VWCE: variants seen among roughly 807,000 people sequenced by gnomAD.
VWCE encodes von Willebrand factor C and EGF domain-containing protein.
VWCE carries 68 observed loss-of-function variants against 102.9 expected under a neutral mutation model. That is an observed-to-expected ratio of 0.66 (90% CI 0.54 to 0.81). The LOEUF (loss-of-function observed/expected upper bound fraction) is 0.81. VWCE is among the 30% of genes least tolerant of loss of function. The probability of loss-of-function intolerance (pLI) is 0.00; values close to 1 mark genes in which losing one functional copy is unlikely to be tolerated. For synonymous variants in VWCE, 497 were observed against 515.4 expected (o/e 0.96, Z 0.48); for missense variants, 1,137 against 1,263.6 (o/e 0.90, Z 1.52).
chr11:61,276,709 G>A lies in VWCE; in HGVS notation c.1408-29C>T, dbSNP rs1222303640. On this transcript the variant is annotated intron_variant, in intron 10 of 19. Transcript: ENST00000335613. Reference sequence around the variant, plus strand: ...AGGAGGAGGCAAGAGAGGGCACTGGGGGTGCGGGTGTGGAACAGGGTTCAT... The same window carrying A: ...AGGAGGAGGCAAGAGAGGGCACTGGAGGTGCGGGTGTGGAACAGGGTTCAT... The A allele has an allele frequency of 5.8e-6, 9 of 1,558,488 alleles. No individual in the cohort carries two copies. The South Asian group carries it at 1.1e-4, about 19-fold the overall frequency.
At chr11:61,293,813 A>C (rs993081588) in intron 1 of VWCE, among the ~76,000 whole-genome samples, 1 of 152,188 alleles carries the variant, frequency 6.6e-6, no homozygotes, top group Non-Finnish European at 1.5e-5. Context: ...CTCAGGGTGC[A>C]ATGGCAGCAC....
chr11:61,261,284 C>G (rs1247498897), intron 19 of VWCE, among the ~76,000 whole-genome samples: 1 of 150,944 alleles, frequency 6.6e-6, no homozygotes. Context: ...TTGTCAAGCA[C>G]ATAAAAAACT....
rs116125050 is a variant in VWCE at position 61,271,850 on chromosome 11, C to G, written c.1700-90G>C. On this transcript the variant is annotated intron_variant, in intron 13 of 19. Coordinates refer to ENST00000335613, the MANE Select transcript of VWCE (RefSeq NM_152718.2). ...GATGCCTCATGCGCACAAACACACACAGACACCGATATCACTCACACACGG... is the reference window on the plus strand; with the variant it reads ...GATGCCTCATGCGCACAAACACACAGAGACACCGATATCACTCACACACGG... 931 of 1,121,666 alleles carry G rather than the reference C, an allele frequency of 8.3e-4. 9 individuals are homozygous for G. In the African/African-American group the frequency reaches 0.013, roughly 16 times the overall value. 69.5% of individuals were successfully genotyped at this position (1,121,666 alleles called of 1,614,324 possible).
intron 4 of VWCE, among the ~76,000 whole-genome samples, chr11:61,290,589 C>T (rs1855469744): frequency 6.6e-6 from 1 of 151,442 alleles, no homozygotes; most frequent in South Asian, 2.1e-4. Context: ...TCAGTTCCTG[C>T]CCCTAAGAAG....
chr11:61,277,462 A>T (rs994790229), intron 10 of VWCE, among the ~76,000 whole-genome samples: 1 of 151,720 alleles, frequency 6.6e-6, no homozygotes, highest in African/African-American at 2.4e-5. Flanking sequence ...AAAAAAAAAA[A>T]ATTAGCCGGG....
intron 19 of VWCE, among the ~76,000 whole-genome samples, chr11:61,262,287 G>C (rs546178519): frequency 6.6e-6 from 1 of 152,154 alleles, no homozygotes; most frequent in Non-Finnish European, 1.5e-5. Flanking sequence ...AGTTTCCCCA[G>C]GTGGAGGTAG....
At chr11:61,282,345 A>AC (rs1855170991) in intron 6 of VWCE, among the ~76,000 whole-genome samples, 1 of 152,094 alleles carries the variant, frequency 6.6e-6, no homozygotes, top group Non-Finnish European at 1.5e-5. Context: ...GGCCCATGGG[A>AC]CCCCACCTTA....
Position 61,280,611 on chromosome 11 carries a change from C to A in VWCE, c.1324+13G>T. On this transcript the variant is annotated intron_variant, in intron 9 of 19. Coordinates refer to ENST00000335613, the MANE Select transcript of VWCE (RefSeq NM_152718.2). ...GAGGCAGGACTATGTCCTTCCCTGGCACCAGCTCTCACCTGTGCACGATGG... is the reference window on the plus strand; with the variant it reads ...GAGGCAGGACTATGTCCTTCCCTGGAACCAGCTCTCACCTGTGCACGATGG... The A allele has an allele frequency of 5.6e-6, 9 of 1,613,530 alleles. No homozygotes were observed. Among genetic ancestry groups the A allele is most frequent in the Non-Finnish European group, 6.8e-6 (8 of 1,179,762 alleles).
At chr11:61,290,676 A>T in intron 4 of VWCE, 123 bp downstream of exon 4, 2 of 1,146,642 alleles carry the variant, frequency 1.7e-6, no homozygotes, top group Non-Finnish European at 2.4e-6. Flanking sequence ...ACTCTCAAAC[A>T]TCAGAGCCTA....
chr11:61,280,196 G>C (rs1379610678), intron 9 of VWCE, among the ~76,000 whole-genome samples: 1 of 152,118 alleles, frequency 6.6e-6, no homozygotes, highest in Non-Finnish European at 1.5e-5. Context: ...GCAGAATTTA[G>C]AAACAACTAC....
intron 9 of VWCE, among the ~76,000 whole-genome samples, chr11:61,279,215 A>T (rs1855035496): frequency 6.6e-6 from 1 of 152,156 alleles, no homozygotes; most frequent in Non-Finnish European, 1.5e-5. Flanking sequence ...TGGGCAATAA[A>T]GTACCCAATA....
chr11:61,264,314 A>AT (rs1340981507), intron 19 of VWCE, among the ~76,000 whole-genome samples, 173 bp downstream of exon 19: 1 of 151,568 alleles, frequency 6.6e-6, no homozygotes, highest in Non-Finnish European at 1.5e-5. Context: ...CATCATGAGC[A>AT]CGGGATGAGG....
intron 19 of VWCE, among the ~76,000 whole-genome samples, chr11:61,259,688 C>T (rs979253622): frequency 2.0e-5 from 3 of 152,074 alleles, no homozygotes; most frequent in Admixed American, 6.5e-5. Context: ...GTAGGATCAC[C>T]GATTATAACA....
At chr11:61,293,304 C>T (rs1481098993) in intron 1 of VWCE, among the ~76,000 whole-genome samples, 1 of 147,614 alleles carries the variant, frequency 6.8e-6, no homozygotes, top group Non-Finnish European at 1.5e-5. Flanking sequence ...GTTGTCCCAG[C>T]TGCTCGAGAG....
rs1298593744 is a variant in VWCE at position 61,279,347 on chromosome 11, A to T, written c.1325-871T>A. The stretch of plus-strand genomic sequence containing the variant: ...CACTTTGGGAGGCCGAGGCGGGCAG[A>T]TCACTCGAGGTCAGGAGTTCAAGAC... On this transcript the variant is annotated intron_variant, in intron 9 of 19. Coordinates refer to ENST00000335613, the MANE Select transcript of VWCE (RefSeq NM_152718.2). 2.6e-5 allele frequency among the ~76,000 whole-genome samples: 4 copies of T among 152,124 alleles called. No individual in the cohort carries two copies. The East Asian group carries it at 7.8e-4, about 29-fold the overall frequency.
chr11:61,292,226 A>G (rs1327501905), intron 1 of VWCE, among the ~76,000 whole-genome samples: 2 of 139,674 alleles, frequency 1.4e-5, no homozygotes, highest in Non-Finnish European at 3.1e-5. Context: ...GTCTCAAAAC[A>G]AAAAAAAAAA....
Position 61,258,977 on chromosome 11 carries a change from T to C in VWCE, c.2566A>G (p.Thr856Ala). 6.3e-7 allele frequency: 1 copy of C among 1,596,290 alleles called. No homozygotes were observed. Among genetic ancestry groups the C allele is most frequent in the Non-Finnish European group, 8.5e-7 (1 of 1,171,288 alleles). ...PGPSTPPGAP[T>A]LPLASPGAPQ... ...GCCCCTGGGGAAGCTAGAGGTAGAG[T>C]GGGGGCTCCTGGAGGGGTCGAAGGC... The change falls in exon 20 of 20, where the codon ACT (threonine) becomes GCT (alanine). Residue 856 changes from threonine to alanine, a missense_variant. Coordinates refer to ENST00000335613, the MANE Select transcript of VWCE (RefSeq NM_152718.2).
In VWCE at chr11:61,294,914, C is replaced by T; in HGVS notation, c.110+14G>A. The T allele has an allele frequency of 1.4e-6, 2 of 1,391,914 alleles. No homozygotes were observed. Among genetic ancestry groups the T allele is most frequent in the Middle Eastern group, 2.6e-4 (1 of 3,790 alleles). 86.2% of individuals were successfully genotyped at this position (1,391,914 alleles called of 1,614,324 possible). A position where few individuals can be genotyped will look rare whatever the true frequency, so the allele number is the denominator to read the frequency against. On this transcript the variant is annotated intron_variant, in intron 1 of 19. Coordinates refer to ENST00000335613, the MANE Select transcript of VWCE (RefSeq NM_152718.2). The surrounding 1 kb of genome is among the most constrained non-coding windows in gnomAD (Gnocchi z 6.3). ...TCCCGGGCGGGGGAGCGGGGAGGAGCTCCGGGCGCTTACCTCTCGGCCGCG... is the reference window on the plus strand; with the variant it reads ...TCCCGGGCGGGGGAGCGGGGAGGAGTTCCGGGCGCTTACCTCTCGGCCGCG...
chr11:61,288,155 CAAAA>C (rs397978316), intron 4 of VWCE, among the ~76,000 whole-genome samples: 219 of 37,224 alleles, frequency 5.9e-3, no homozygotes, highest in South Asian at 0.021. Flanking sequence ...GACTCTGTCT[CAAAA>C]AAAAAAAAAA....
Sources: allele counts gnomAD v4.1 joint callset (sites outside exome capture counted in the v4.1 genomes callset), GRCh38; gene constraint gnomAD v4.1.1; non-coding constraint Gnocchi (gnomAD v3.1); transcripts MANE v1.5; gene names NCBI Gene and HGNC (gene_info 2026-07-23, HGNC 2026-07-21).